The following PIWIL4 variants were observed in gnomAD, a reference collection of about 807,000 sequenced individuals.
The protein encoded by PIWIL4 is piwi like RNA-mediated gene silencing 4.
Under a neutral mutation model 100.9 loss-of-function variants are expected in PIWIL4, and 50 were observed. The observed-to-expected ratio is 0.50, with a 90% CI of 0.39 to 0.63. The LOEUF (loss-of-function observed/expected upper bound fraction) is 0.63, where lower values mean the gene tolerates loss of function less well. Ranked by LOEUF, PIWIL4 falls within the 20% of genes least tolerant of loss-of-function variation. PIWIL4 has a pLI of 0.00. For missense variants in PIWIL4, 887 were observed against 1,043.3 expected, an observed-to-expected ratio of 0.85 and a Z score of 2.06; for synonymous variants, 342 against 367.5, an observed-to-expected ratio of 0.93 and a Z score of 0.79.
intron 2 of PIWIL4, among the ~76,000 whole-genome samples, chr11:94,570,447 A>T (rs190708911): frequency 6.5e-4 from 99 of 151,984 alleles, no homozygotes; most frequent in Non-Finnish European, 1.1e-3. Flanking sequence ...GTCATACTGG[A>T]TTAGGAACCA....
chr11:94,605,441 A>G (rs1018606618), intron 13 of PIWIL4, among the ~76,000 whole-genome samples: 3 of 152,206 alleles, frequency 2.0e-5, no homozygotes, highest in South Asian at 4.1e-4. Context: ...CAATGATCCT[A>G]TATTCTAAGT....
intron 1 of PIWIL4, chr11:94,567,852 C>T (rs72963842): frequency 0.029 from 31,284 of 1,080,758 alleles, 481 homozygotes; most frequent in Non-Finnish European, 0.033. Context: ...ACAAATATGT[C>T]ATTCTCTTCT....
intron 7 of PIWIL4, among the ~76,000 whole-genome samples, chr11:94,587,502 G>A (rs141893501): frequency 2.5e-4 from 38 of 152,204 alleles, no homozygotes; most frequent in African/African-American, 7.7e-4. Flanking sequence ...AACCCCCAGC[G>A]GTCTGCACTT....
intron 7 of PIWIL4, among the ~76,000 whole-genome samples, chr11:94,587,480 ACT>A (rs947833061): frequency 1.4e-4 from 21 of 151,992 alleles, no homozygotes; most frequent in African/African-American, 4.6e-4. Context: ...CCCTAATGCC[ACT>A]CTCTATTCTA....
chr11:94,613,405 C>T (rs1198171923), intron 15 of PIWIL4, among the ~76,000 whole-genome samples: 35 of 152,122 alleles, frequency 2.3e-4, no homozygotes, highest in Admixed American at 2.3e-3. Context: ...TGATTTTTGA[C>T]AGTTTGATTG....
chr11:94,608,012 C>T (rs1948743402), intron 14 of PIWIL4, among the ~76,000 whole-genome samples: 1 of 152,202 alleles, frequency 6.6e-6, no homozygotes, highest in Admixed American at 6.5e-5. Flanking sequence ...TGACCTGAAC[C>T]TCCAAACTGT....
At position 94,597,792 on chromosome 11, in the gene PIWIL4, C is replaced by CT; in HGVS notation, c.1269-9dup. On this transcript the variant is annotated splice_polypyrimidine_tract_variant and intron_variant, in intron 10 of 19. Coordinates refer to ENST00000299001, the MANE Select transcript of PIWIL4 (RefSeq NM_152431.3). ...ATCTCTCTTTAATGATTTAAAACAA[C>CT]TTTATCAACAGGAATACCAATGCTC... 6.3e-7 allele frequency: 1 copy of CT among 1,588,948 alleles called. No individual in the cohort carries two copies. The highest frequency in any genetic ancestry group is 8.6e-7 in the Non-Finnish European group (1 of 1,158,664).
chr11:94,596,452 A>G (rs1341815674), intron 10 of PIWIL4, among the ~76,000 whole-genome samples: 4 of 152,224 alleles, frequency 2.6e-5, no homozygotes, highest in Non-Finnish European at 5.9e-5. Context: ...CTGCAAACGC[A>G]TATAATCCTA....
At chr11:94,611,977 A>G (rs531114370) in intron 15 of PIWIL4, among the ~76,000 whole-genome samples, 1 of 152,306 alleles carries the variant, frequency 6.6e-6, no homozygotes, top group Admixed American at 6.5e-5. Flanking sequence ...AATACTGGCT[A>G]TGATTTGTCT....
At chr11:94,598,278 CA>C (rs1376915535) in intron 11 of PIWIL4, among the ~76,000 whole-genome samples, 1 of 152,086 alleles carries the variant, frequency 6.6e-6, no homozygotes, top group Non-Finnish European at 1.5e-5. Context: ...TTTCTGATAC[CA>C]AAACTGAGCC....
chr11:94,581,205 G>C lies in PIWIL4; in HGVS notation c.514-2243G>C, dbSNP rs552997950. Among the ~76,000 whole-genome samples the C allele has an allele frequency of 2.5e-4, 38 of 152,178 alleles. 2 individuals are homozygous for C. In the East Asian group the frequency reaches 7.2e-3, roughly 29 times the overall value. On this transcript the variant is annotated intron_variant, in intron 4 of 19. Transcript: ENST00000299001. ...GTGAGCCACCACGCCCGGCCTGCCAGGCTCTTTATAGCATGATCTCATTTA... is the reference window on the plus strand; with the variant it reads ...GTGAGCCACCACGCCCGGCCTGCCACGCTCTTTATAGCATGATCTCATTTA...
rs57731239 is a variant in PIWIL4 at position 94,614,300 on chromosome 11, CT to C, written c.1944-2176del. On this transcript the variant is annotated intron_variant, in intron 15 of 19. Transcript: ENST00000299001. ...TGTCATAGTTCCTGATTTTTCTTTT[CT>C]TTTTTTTTTTTTTTTTCCTTTTTGA... 5.9e-3 allele frequency among the ~76,000 whole-genome samples: 713 copies of C among 120,100 alleles called. 2 individuals are homozygous for C. Among genetic ancestry groups the C allele is most frequent in the African/African-American group, 0.017 (544 of 31,092 alleles). The allele number at this position is 120,100 out of a possible 152,430, so 78.8% of individuals were successfully genotyped here.
intron 12 of PIWIL4, 21 bp from the exon 13 acceptor site, chr11:94,603,963 A>G (rs372743331): frequency 6.1e-5 from 93 of 1,535,886 alleles, no homozygotes; most frequent in Non-Finnish European, 7.7e-5. Context: ...ACATAGCTTC[A>G]AAATTAATCT....
intron 1 of PIWIL4, 83 bp downstream of exon 1, chr11:94,567,688 C>T (rs912209745): frequency 1.4e-6 from 2 of 1,389,852 alleles, no homozygotes; most frequent in Non-Finnish European, 1.9e-6. Context: ...CTGCATGTAT[C>T]TCCTCCTCTC....
At chr11:94,582,792 C>A (rs1418029479) in intron 4 of PIWIL4, among the ~76,000 whole-genome samples, 2 of 152,172 alleles carry the variant, frequency 1.3e-5, no homozygotes, top group Non-Finnish European at 2.9e-5. Flanking sequence ...GATTTCTGAT[C>A]TGTTCTAATT....
intron 2 of PIWIL4, among the ~76,000 whole-genome samples, 178 bp from the exon 3 acceptor site, chr11:94,574,821 C>G (rs1213458621): frequency 6.6e-6 from 1 of 152,190 alleles, no homozygotes; most frequent in Non-Finnish European, 1.5e-5. Context: ...GTGTTTTCTT[C>G]ACAATTTTCC....
intron 3 of PIWIL4, 116 bp from the exon 4 acceptor site, chr11:94,577,162 A>C: frequency 1.2e-6 from 1 of 802,492 alleles, no homozygotes; most frequent in South Asian, 1.8e-5. Flanking sequence ...CTGTGCAAAA[A>C]TCCTTGCTTT....
At chr11:94,607,362 G>A in intron 13 of PIWIL4, 77 bp from the exon 14 acceptor site, 1 of 1,289,222 alleles carries the variant, frequency 7.8e-7, no homozygotes, top group Admixed American at 1.9e-5. Context: ...AATAATTCAT[G>A]AATTCATTTC....
intron 4 of PIWIL4, among the ~76,000 whole-genome samples, chr11:94,578,290 C>G (rs187717266): frequency 7.9e-4 from 120 of 152,318 alleles, no homozygotes; most frequent in Non-Finnish European, 1.2e-3. Context: ...CGGCTCTGCT[C>G]TTATCTGCAG....
Sources: allele counts gnomAD v4.1 joint callset (sites outside exome capture counted in the v4.1 genomes callset), GRCh38; gene constraint gnomAD v4.1.1; transcripts MANE v1.5; gene names NCBI Gene and HGNC (gene_info 2026-07-23, HGNC 2026-07-21).